The following CNTNAP5 variants were observed in gnomAD, a reference collection of about 807,000 sequenced individuals.
CNTNAP5 encodes contactin-associated protein-like 5.
CNTNAP5 carries 72 observed loss-of-function variants against 150.2 expected under a neutral mutation model. The observed-to-expected ratio is 0.48, with a 90% confidence interval of 0.40 to 0.58. CNTNAP5 has a LOEUF of 0.58. Ranked by LOEUF, CNTNAP5 falls within the 20% of genes least tolerant of loss-of-function variation. The probability of loss-of-function intolerance (pLI) is 0.00; values close to 1 mark genes in which losing one functional copy is unlikely to be tolerated. For missense variants in CNTNAP5, 1,636 were observed against 1,626.2 expected (o/e 1.01, Z -0.10); for synonymous variants, 672 against 619.8 (o/e 1.08, Z -1.25).
intron 19 of CNTNAP5, among the ~76,000 whole-genome samples, chr2:124,845,279 C>T (rs918600405): frequency 6.6e-6 from 1 of 151,974 alleles, no homozygotes; most frequent in South Asian, 2.1e-4. Context: ...TGTTGTATCA[C>T]ATTTATTGAC....
chr2:124,848,941 G>A (rs570756836), intron 19 of CNTNAP5, among the ~76,000 whole-genome samples: 2 of 152,070 alleles, frequency 1.3e-5, no homozygotes, highest in East Asian at 1.9e-4. Context: ...TCTAGGTCAC[G>A]TTTTCATTTT....
At chr2:124,578,037 C>T (rs566569145) in intron 11 of CNTNAP5, among the ~76,000 whole-genome samples, 18 of 151,182 alleles carry the variant, frequency 1.2e-4, no homozygotes, top group South Asian at 6.3e-4. Flanking sequence ...TGGCCGGGCA[C>T]GGTGGCTCAT....
chr2:124,670,687 C>T (rs1039387691), intron 13 of CNTNAP5, among the ~76,000 whole-genome samples: 1 of 93,744 alleles, frequency 1.1e-5, no homozygotes, highest in Non-Finnish European at 2.3e-5. Flanking sequence ...CTAAAATCCA[C>T]CTTAGAGGTG....
intron 13 of CNTNAP5, among the ~76,000 whole-genome samples, chr2:124,738,124 G>C (rs1361244963): frequency 6.6e-6 from 1 of 151,934 alleles, no homozygotes; most frequent in African/African-American, 2.4e-5. Context: ...TGTGTGAATC[G>C]GTATAAGTTA....
chr2:124,230,015 G>C (rs1349081351), intron 2 of CNTNAP5, among the ~76,000 whole-genome samples: 1 of 152,006 alleles, frequency 6.6e-6, no homozygotes, highest in African/African-American at 2.4e-5. Flanking sequence ...AGTTGAGATT[G>C]TGTGTTTCTA....
intron 3 of CNTNAP5, among the ~76,000 whole-genome samples, chr2:124,386,457 T>A (rs1690928373): frequency 6.6e-6 from 1 of 152,252 alleles, no homozygotes; most frequent in Non-Finnish European, 1.5e-5. Flanking sequence ...GGGATAGTGA[T>A]GTTGCTACCT....
intron 8 of CNTNAP5, among the ~76,000 whole-genome samples, chr2:124,517,804 G>T (rs551738085): frequency 6.7e-6 from 1 of 149,892 alleles, no homozygotes; most frequent in East Asian, 2.0e-4. Flanking sequence ...CTTATGGGGG[G>T]TTGTGGTGTT....
At position 124,914,875 on chromosome 2, in the gene CNTNAP5, A is replaced by G. The variant is rs1678731005; in HGVS notation, c.*587A>G. ...CACCCTTTTTCACTATGACCCTTAG[A>G]CCCTGAGTATTTTCAAATATATGAT... is the stretch of plus-strand genomic sequence containing the variant. On this transcript the variant is annotated 3_prime_UTR_variant, in exon 24 of 24. Coordinates refer to ENST00000682447, the MANE Select transcript of CNTNAP5 (RefSeq NM_001367498.1). 1 of 151,950 alleles carries G rather than the reference A, an allele frequency of 6.6e-6. No individual in the cohort carries two copies. The highest frequency in any genetic ancestry group is 2.4e-5 in the African/African-American group (1 of 41,350). The allele number at this position is 151,950 out of a possible 1,614,324, so 9.4% of individuals were successfully genotyped here.
intron 4 of CNTNAP5, among the ~76,000 whole-genome samples, chr2:124,419,007 G>A (rs796195879): frequency 2.3e-4 from 35 of 149,436 alleles, no homozygotes; most frequent in African/African-American, 7.4e-4. Context: ...GGTGGCGGGC[G>A]CCTGTAGTCC....
At chr2:124,564,039 C>T (rs898642175) in intron 11 of CNTNAP5, among the ~76,000 whole-genome samples, 1 of 152,156 alleles carries the variant, frequency 6.6e-6, no homozygotes, top group Admixed American at 6.5e-5. Context: ...TGCCTGTCAA[C>T]CGCAGTGTTA....
chr2:124,408,898 C>T lies in CNTNAP5; in HGVS notation c.382-8545C>T, dbSNP rs902939151. On this transcript the variant is annotated intron_variant, in intron 3 of 23. Coordinates refer to ENST00000682447, the MANE Select transcript of CNTNAP5 (RefSeq NM_001367498.1). ...AAAGCTGGATGGAGAATGACTTTGA[C>T]GAGCTGAGAGAAGGAGGCTTCAGAC... Among the ~76,000 whole-genome samples the T allele has an allele frequency of 1.9e-4, 29 of 152,232 alleles. 1 individual carries two copies. Among genetic ancestry groups the T allele is most frequent in the South Asian group, 6.2e-4 (3 of 4,812 alleles).
At chr2:124,301,565 T>G (rs190442731) in intron 3 of CNTNAP5, among the ~76,000 whole-genome samples, 1 of 152,216 alleles carries the variant, frequency 6.6e-6, no homozygotes, top group Non-Finnish European at 1.5e-5. Flanking sequence ...GTGACACTCA[T>G]GTACATTATA....
chr2:124,538,614 G>A (rs1695302946), intron 10 of CNTNAP5, among the ~76,000 whole-genome samples: 1 of 147,956 alleles, frequency 6.8e-6, no homozygotes. Context: ...AGAAAGAAAG[G>A]AAGAAAGGAA....
At chr2:124,532,911 G>A (rs995948744) in intron 10 of CNTNAP5, among the ~76,000 whole-genome samples, 6 of 152,090 alleles carry the variant, frequency 3.9e-5, no homozygotes, top group Non-Finnish European at 7.4e-5. Context: ...AAGGTTTGCC[G>A]GTTCTCTAGT....
chr2:124,713,219 GTTTCTTTCTTTCTTTCTTTCTTTCTC>G lies in CNTNAP5; in HGVS notation c.2078-33984_2078-33959del, dbSNP rs1334203265. Among the ~76,000 whole-genome samples, 51 of 78,274 alleles carry G rather than the reference GTTTCTTTCTTTCTTTCTTTCTTTCTC, an allele frequency of 6.5e-4. 1 individual carries two copies. Among genetic ancestry groups the G allele is most frequent in the African/African-American group, 1.5e-3 (38 of 24,894 alleles). 51.4% of individuals were successfully genotyped at this position (78,274 alleles called of 152,430 possible). On this transcript the variant is annotated intron_variant, in intron 13 of 23. Coordinates refer to ENST00000682447, the MANE Select transcript of CNTNAP5 (RefSeq NM_001367498.1). ...CCTCCCTCCCTTCCTTTCTTTCTCT[GTTTCTTTCTTTCTTTCTTTCTTTCTC>G]TTTCTTTCTTTCTTTCTTTCTTTCT...
At chr2:124,808,532 G>A (rs1296544831) in intron 19 of CNTNAP5, among the ~76,000 whole-genome samples, 1 of 150,682 alleles carries the variant, frequency 6.6e-6, no homozygotes, top group East Asian at 2.0e-4. Flanking sequence ...ACGTTGCAGC[G>A]AGCCAAGATT....
At chr2:124,032,553 T>G (rs1681085070) in intron 1 of CNTNAP5, among the ~76,000 whole-genome samples, 2 of 151,956 alleles carry the variant, frequency 1.3e-5, no homozygotes, top group African/African-American at 4.8e-5. Context: ...GATAGATATA[T>G]CTGAATCTAC....
chr2:124,878,594 A>G (rs972545211), intron 21 of CNTNAP5, among the ~76,000 whole-genome samples: 2 of 152,154 alleles, frequency 1.3e-5, no homozygotes, highest in African/African-American at 4.8e-5. Flanking sequence ...CTCTAGGGGA[A>G]TGAATGGATA....
intron 23 of CNTNAP5, among the ~76,000 whole-genome samples, chr2:124,912,528 T>C (rs186568708): frequency 1.3e-3 from 201 of 152,086 alleles, no homozygotes; most frequent in African/African-American, 4.7e-3. Flanking sequence ...CCTGAGAACA[T>C]GAAGAAAGGA....
Sources: allele counts gnomAD v4.1 joint callset (sites outside exome capture counted in the v4.1 genomes callset), GRCh38; gene constraint gnomAD v4.1.1; transcripts MANE v1.5; gene names NCBI Gene and HGNC (gene_info 2026-07-23, HGNC 2026-07-21).